Variants in RIMS2 observed in about 807,000 individuals in gnomAD.
The protein encoded by RIMS2 is regulating synaptic membrane exocytosis protein 2.
In RIMS2, 59 loss-of-function variants were observed where a neutral mutation model predicts 174.4. The observed-to-expected ratio is 0.34, with a 90% CI of 0.27 to 0.42. The LOEUF (loss-of-function observed/expected upper bound fraction) is 0.42. RIMS2 is among the 10% of genes least tolerant of loss of function. The pLI, the probability that RIMS2 is intolerant of heterozygous loss-of-function variation, is 1.00. For synonymous variants in RIMS2, 606 were observed against 572.5 expected, an observed-to-expected ratio of 1.06 and a Z score of -0.84; for missense variants, 1,620 against 1,666.3, an observed-to-expected ratio of 0.97 and a Z score of 0.48.
chr8:104,222,556 C>T (rs1465699813), intron 19 of RIMS2, among the ~76,000 whole-genome samples: 1 of 152,164 alleles, frequency 6.6e-6, no homozygotes. Flanking sequence ...TGACTTGTCT[C>T]AGATTACAAA....
intron 3 of RIMS2, among the ~76,000 whole-genome samples, chr8:103,787,462 G>T (rs1475232529): frequency 1.3e-5 from 2 of 150,498 alleles, no homozygotes; most frequent in African/African-American, 2.4e-5. Flanking sequence ...TTTAGGGCAG[G>T]CCTGGTGGTG....
At chr8:103,984,139 A>G (rs969889853) in intron 16 of RIMS2, among the ~76,000 whole-genome samples, 3 of 152,044 alleles carry the variant, frequency 2.0e-5, no homozygotes, top group Admixed American at 6.6e-5. Context: ...GCGCCACTGC[A>G]CTCCAGCCTG....
At chr8:103,584,025 A>C (rs992278540) in intron 1 of RIMS2, among the ~76,000 whole-genome samples, 1 of 152,200 alleles carries the variant, frequency 6.6e-6, no homozygotes, top group African/African-American at 2.4e-5. Context: ...AAACTAAAGA[A>C]GACTACCTCA....
At chr8:104,021,804 G>A (rs1282944528) in intron 19 of RIMS2, among the ~76,000 whole-genome samples, 2 of 148,928 alleles carry the variant, frequency 1.3e-5, no homozygotes, top group African/African-American at 2.4e-5. Context: ...CAGTGGTACT[G>A]CAGGCAGAAT....
intron 4 of RIMS2, among the ~76,000 whole-genome samples, chr8:103,905,469 C>T (rs1432540476): frequency 6.6e-6 from 1 of 151,904 alleles, no homozygotes; most frequent in Non-Finnish European, 1.5e-5. Flanking sequence ...ATTGTTTTTC[C>T]CCTTTAGGTA....
intron 2 of RIMS2, among the ~76,000 whole-genome samples, chr8:103,717,061 T>C (rs1007397709): frequency 2.0e-5 from 3 of 151,888 alleles, no homozygotes; most frequent in Non-Finnish European, 4.4e-5. Flanking sequence ...TTGAGGACTT[T>C]TCAAGTTTTC....
At chr8:104,036,132 ATTTT>A (rs1159177752) in intron 19 of RIMS2, among the ~76,000 whole-genome samples, 85 of 127,538 alleles carry the variant, frequency 6.7e-4, no homozygotes, top group Non-Finnish European at 1.3e-3. Flanking sequence ...AATTTATTTT[ATTTT>A]ATTTATTTAT....
intron 1 of RIMS2, among the ~76,000 whole-genome samples, chr8:103,583,019 GC>G (rs999597653): frequency 1.3e-5 from 2 of 152,158 alleles, no homozygotes; most frequent in Non-Finnish European, 2.9e-5. Flanking sequence ...CTGACCCAGC[GC>G]AGTCATAGTG....
At chr8:103,615,330 T>C (rs1220457971) in intron 1 of RIMS2, among the ~76,000 whole-genome samples, 2 of 152,134 alleles carry the variant, frequency 1.3e-5, no homozygotes, top group African/African-American at 4.8e-5. Context: ...TTGAAAATAA[T>C]GAGAACAAAG....
intron 19 of RIMS2, among the ~76,000 whole-genome samples, chr8:104,070,175 C>G (rs923689547): frequency 6.6e-6 from 1 of 152,242 alleles, no homozygotes; most frequent in East Asian, 1.9e-4. Context: ...CTAGCTTCTT[C>G]AATAAGACAA....
At chr8:103,669,767 C>G (rs1354907355) in intron 1 of RIMS2, among the ~76,000 whole-genome samples, 1 of 152,368 alleles carries the variant, frequency 6.6e-6, no homozygotes, top group East Asian at 1.9e-4. Flanking sequence ...TCTTGGACAA[C>G]TCTGCCCTGT....
At chr8:104,062,925 A>G (rs150884503) in intron 19 of RIMS2, among the ~76,000 whole-genome samples, 115 of 152,210 alleles carry the variant, frequency 7.6e-4, no homozygotes, top group African/African-American at 2.7e-3. Flanking sequence ...AAAATTTTTT[A>G]AAATATGTCT....
At chr8:104,152,304 T>A (rs2098694682) in intron 19 of RIMS2, among the ~76,000 whole-genome samples, 2 of 152,214 alleles carry the variant, frequency 1.3e-5, no homozygotes, top group African/African-American at 4.8e-5. Context: ...GGTACATTTT[T>A]AATTGTTCTT....
chr8:103,550,764 A>G (rs573778796), intron 1 of RIMS2, among the ~76,000 whole-genome samples: 4 of 152,236 alleles, frequency 2.6e-5, no homozygotes, highest in African/African-American at 9.6e-5. Context: ...ATAAAAAATG[A>G]TAAAGGGGTT....
intron 19 of RIMS2, among the ~76,000 whole-genome samples, chr8:104,236,804 A>G (rs1415409052): frequency 6.6e-6 from 1 of 152,140 alleles, no homozygotes; most frequent in African/African-American, 2.4e-5. Flanking sequence ...TGATGACTAA[A>G]TGTAATGTGG....
At chr8:103,628,792 T>A (rs934810199) in intron 1 of RIMS2, among the ~76,000 whole-genome samples, 22 of 145,908 alleles carry the variant, frequency 1.5e-4, no homozygotes, top group Non-Finnish European at 2.2e-4. Flanking sequence ...GAAAGCCTGC[T>A]GTCTCTAGCT....
At chr8:103,711,940 A>C (rs2097309432) in intron 2 of RIMS2, among the ~76,000 whole-genome samples, 1 of 151,982 alleles carries the variant, frequency 6.6e-6, no homozygotes, top group African/African-American at 2.4e-5. Flanking sequence ...GTACTTTTAC[A>C]ATACCCAATA....
chr8:103,810,985 T>TA (rs368439609), intron 3 of RIMS2, among the ~76,000 whole-genome samples: 9 of 152,308 alleles, frequency 5.9e-5, no homozygotes, highest in African/African-American at 2.2e-4. Flanking sequence ...GTGCAGTCAA[T>TA]ATTTGTTTCT....
At chr8:104,098,913 G>A (rs1189859230) in intron 19 of RIMS2, among the ~76,000 whole-genome samples, 1 of 152,168 alleles carries the variant, frequency 6.6e-6, no homozygotes, top group Non-Finnish European at 1.5e-5. Context: ...TTTGAAAATA[G>A]TTGTGATTAG....
Sources: gnomAD v4.1 joint callset for allele counts (sites outside exome capture counted in the v4.1 genomes callset) on GRCh38, gnomAD v4.1.1 for gene constraint, MANE v1.5 for transcripts, NCBI Gene and HGNC (gene_info 2026-07-23, HGNC 2026-07-21) for gene names.